ASIC2: variants seen among roughly 807,000 people sequenced by gnomAD.
The protein encoded by ASIC2 is acid-sensing ion channel 2.
Under a neutral mutation model 57.3 loss-of-function variants are expected in ASIC2, and 25 were observed. The ratio of observed to expected loss-of-function variants is 0.44; its 90% CI spans 0.32 to 0.61. ASIC2 has a LOEUF of 0.61. Among genes scored for constraint, ASIC2 ranks in the 20% least tolerant of loss-of-function variants. The pLI is 0.06. For missense variants in ASIC2, 641 were observed against 738.1 expected (o/e 0.87, Z 1.52); for synonymous variants, 319 against 307.5 (o/e 1.04, Z -0.39).
intron 3 of ASIC2, among the ~76,000 whole-genome samples, chr17:33,038,383 C>T (rs929937627): frequency 6.6e-6 from 1 of 152,134 alleles, no homozygotes; most frequent in African/African-American, 2.4e-5. Context: ...TGACTCCTGC[C>T]CGGTTCAGAC....
At chr17:33,348,171 T>C (rs1908027901) in intron 1 of ASIC2, among the ~76,000 whole-genome samples, 1 of 152,124 alleles carries the variant, frequency 6.6e-6, no homozygotes, top group Admixed American at 6.5e-5. Context: ...AAAGCATGGA[T>C]GGACCTTCTA....
chr17:33,907,917 G>C (rs575197470), intron 1 of ASIC2, among the ~76,000 whole-genome samples: 2 of 152,330 alleles, frequency 1.3e-5, no homozygotes, highest in African/African-American at 4.8e-5. Context: ...AGCACATTAA[G>C]TTGGAGACAG....
Position 33,429,435 on chromosome 17 carries a change from G to A in ASIC2, c.556-317368C>T, listed in dbSNP as rs186922244. The stretch of plus-strand genomic sequence containing the variant: ...AGACAGAGTCTCGCTCTGTCGCCCA[G>A]GCTGGAGTGCAGTGGCGTGATCTCG... On this transcript the variant is annotated intron_variant, in intron 1 of 9. Transcript: ENST00000359872. Among the ~76,000 whole-genome samples, 133 of 152,144 alleles carry A rather than the reference G, an allele frequency of 8.7e-4. 3 individuals carry two copies. Among genetic ancestry groups the A allele is most frequent in the Admixed American group, 7.1e-3 (109 of 15,278 alleles).
intron 1 of ASIC2, among the ~76,000 whole-genome samples, chr17:33,125,718 C>T (rs1411477449): frequency 6.6e-6 from 1 of 152,238 alleles, no homozygotes; most frequent in Admixed American, 6.5e-5. Flanking sequence ...CAGAATGCAA[C>T]TCTTCAGCGT....
intron 1 of ASIC2, among the ~76,000 whole-genome samples, chr17:33,268,104 T>C (rs1909540110): frequency 6.6e-6 from 1 of 152,194 alleles, no homozygotes. Flanking sequence ...TGTTCATTCA[T>C]TCCAGGGACA....
chr17:34,080,618 G>T (rs977227309), intron 1 of ASIC2, among the ~76,000 whole-genome samples: 3 of 152,218 alleles, frequency 2.0e-5, no homozygotes, highest in African/African-American at 4.8e-5. Context: ...CCCCTCTAAA[G>T]TAGGCTAGGT....
At chr17:33,517,397 C>T (rs972777295) in intron 1 of ASIC2, among the ~76,000 whole-genome samples, 6 of 152,178 alleles carry the variant, frequency 3.9e-5, no homozygotes, top group East Asian at 1.9e-4. Flanking sequence ...ATTACAGGCG[C>T]GAGCCATGGC....
intron 1 of ASIC2, chr17:34,041,526 A>T (rs904926648): frequency 2.0e-5 from 3 of 152,192 alleles, no homozygotes; most frequent in Non-Finnish European, 2.9e-5. Flanking sequence ...AAGCTCCGAG[A>T]CCTTGGGAAA....
intron 1 of ASIC2, among the ~76,000 whole-genome samples, chr17:33,222,058 A>G (rs1399273497): frequency 6.6e-6 from 1 of 152,140 alleles, no homozygotes; most frequent in Non-Finnish European, 1.5e-5. Context: ...TAGTGCAACA[A>G]AGAGAGAGTA....
At chr17:33,878,983 C>T (rs1485021647) in intron 1 of ASIC2, among the ~76,000 whole-genome samples, 1 of 152,128 alleles carries the variant, frequency 6.6e-6, no homozygotes, top group Non-Finnish European at 1.5e-5. Flanking sequence ...ATTTTCAACC[C>T]AGAATTTCAT....
At chr17:33,661,524 T>C (rs140231153) in intron 1 of ASIC2, among the ~76,000 whole-genome samples, 65 of 152,332 alleles carry the variant, frequency 4.3e-4, no homozygotes, top group African/African-American at 1.5e-3. Flanking sequence ...GGCAAGACAT[T>C]GAATGATTCT....
At chr17:34,101,785 T>G (rs180948850) in intron 1 of ASIC2, among the ~76,000 whole-genome samples, 1 of 152,320 alleles carries the variant, frequency 6.6e-6, no homozygotes, top group Admixed American at 6.5e-5. Flanking sequence ...TTGCTTTTTC[T>G]AAGGAATGCA....
intron 3 of ASIC2, among the ~76,000 whole-genome samples, chr17:33,082,128 G>A (rs1032644367): frequency 6.6e-6 from 1 of 151,988 alleles, no homozygotes; most frequent in African/African-American, 2.4e-5. Flanking sequence ...GAAGTCTCTG[G>A]GAAGGGACAT....
intron 1 of ASIC2, among the ~76,000 whole-genome samples, chr17:33,233,825 C>G (rs1316929946): frequency 1.3e-5 from 2 of 152,198 alleles, no homozygotes; most frequent in Non-Finnish European, 2.9e-5. Context: ...GATACACACA[C>G]TTATTTTATT....
rs187913255 is a variant in ASIC2 at position 33,734,467 on chromosome 17, C to T, written c.555+421511G>A. ...CACTGCCCCTCATGTCCTTCCCACACCACCCGCACTTCTGGATTGCTGCCA... is the reference window on the plus strand; with the variant it reads ...CACTGCCCCTCATGTCCTTCCCACATCACCCGCACTTCTGGATTGCTGCCA... On this transcript the variant is annotated intron_variant, in intron 1 of 9. Coordinates refer to the ASIC2 transcript ENST00000359872. Among the ~76,000 whole-genome samples the T allele has an allele frequency of 2.6e-3, 398 of 152,314 alleles. 1 individual carries two copies. The highest frequency in any genetic ancestry group is 9.1e-3 in the African/African-American group (380 of 41,558).
intron 3 of ASIC2, among the ~76,000 whole-genome samples, chr17:33,080,775 C>A (rs75280739): frequency 6.6e-6 from 1 of 152,102 alleles, no homozygotes; most frequent in Non-Finnish European, 1.5e-5. Flanking sequence ...TGCTAAGTGA[C>A]CAGCAGGCGG....
chr17:34,118,003 A>G (rs547086315), intron 1 of ASIC2, among the ~76,000 whole-genome samples: 1 of 152,262 alleles, frequency 6.6e-6, no homozygotes, highest in East Asian at 1.9e-4. Flanking sequence ...GACCTTGGAG[A>G]ATTCCTGTAA....
chr17:33,536,655 G>C lies in ASIC2; in HGVS notation c.556-424588C>G, dbSNP rs1016180228. On this transcript the variant is annotated intron_variant, in intron 1 of 9. Transcript: ENST00000359872. ...TAGTAGGCTCCTAACTGGTCTTCCT[G>C]TAATTTTCTGCTCTTTCCCAGTTAA... 4.6e-5 allele frequency among the ~76,000 whole-genome samples: 7 copies of C among 152,262 alleles called. No homozygotes were observed. The South Asian group carries it at 1.2e-3, about 27-fold the overall frequency.
chr17:33,461,215 A>G (rs1310372980), intron 1 of ASIC2, among the ~76,000 whole-genome samples: 1 of 152,252 alleles, frequency 6.6e-6, no homozygotes, highest in Non-Finnish European at 1.5e-5. Context: ...TAGATTTTGA[A>G]GGAATGAACA....
Sources: allele counts gnomAD v4.1 joint callset (sites outside exome capture counted in the v4.1 genomes callset), GRCh38; gene constraint gnomAD v4.1.1; transcripts MANE v1.5; gene names NCBI Gene and HGNC (gene_info 2026-07-23, HGNC 2026-07-21).